The following FANCC variants were observed in gnomAD, a reference collection of about 807,000 sequenced individuals.
FANCC encodes the protein FA complementation group C, also known as Fanconi anemia group C protein.
A neutral mutation model predicts 71.3 loss-of-function variants in FANCC; 55 were observed. The observed-to-expected ratio is 0.77, with a 90% CI of 0.62 to 0.97. The LOEUF is 0.97. Among genes scored for constraint, FANCC ranks in the 50% least tolerant of loss-of-function variants. The probability of loss-of-function intolerance (pLI) is 0.00; values close to 1 mark genes in which losing one functional copy is unlikely to be tolerated. For synonymous variants in FANCC, 275 were observed against 244.9 expected (o/e 1.12, Z -1.15); for missense variants, 678 against 670.9 (o/e 1.01, Z -0.12).
In FANCC at chr9:95,255,807, G is replaced by T. The variant is rs1055596242; in HGVS notation, c.-78-6438C>A. On this transcript the variant is annotated intron_variant, in intron 1 of 14. Coordinates refer to ENST00000289081, the MANE Select transcript of FANCC (RefSeq NM_000136.3). Reference sequence around the variant, plus strand: ...AAGGAAGCTAAGAATCTTGAAAAAAGGTTAGAGGAACTGCTAACTAGAATA... The same window carrying T: ...AAGGAAGCTAAGAATCTTGAAAAAATGTTAGAGGAACTGCTAACTAGAATA... 3.3e-5 allele frequency among the ~76,000 whole-genome samples: 5 copies of T among 152,028 alleles called. No homozygotes were observed. The South Asian group carries it at 1.0e-3, about 32-fold the overall frequency.
chr9:95,137,055 C>G (rs1827804573), intron 7 of FANCC, among the ~76,000 whole-genome samples: 1 of 152,056 alleles, frequency 6.6e-6, no homozygotes, highest in South Asian at 2.1e-4. Flanking sequence ...CTGTCTTGCC[C>G]CAAGAAAAAC....
intron 1 of FANCC, among the ~76,000 whole-genome samples, chr9:95,269,307 T>A (rs1832586086): frequency 6.6e-6 from 1 of 152,188 alleles, no homozygotes; most frequent in Non-Finnish European, 1.5e-5. Flanking sequence ...GTAAAGTCAG[T>A]CATTCGGTCA....
chr9:95,245,671 T>G (rs907439246), intron 3 of FANCC, among the ~76,000 whole-genome samples: 7 of 151,210 alleles, frequency 4.6e-5, no homozygotes, highest in Non-Finnish European at 8.9e-5. Flanking sequence ...TCGAGGCGGG[T>G]GAATCGCCTG....
chr9:95,272,723 A>C (rs776915736), intron 1 of FANCC, among the ~76,000 whole-genome samples: 5 of 152,166 alleles, frequency 3.3e-5, no homozygotes, highest in Non-Finnish European at 5.9e-5. Flanking sequence ...ACAACAACAA[A>C]AAAATTAACA....
chr9:95,170,938 G>A (rs1825637032), intron 6 of FANCC, 141 bp downstream of exon 6: 1 of 703,824 alleles, frequency 1.4e-6, no homozygotes, highest in East Asian at 2.7e-5. Context: ...AATTTGCTAT[G>A]TATTCCACTA....
chr9:95,228,938 G>T (rs1446320259), intron 4 of FANCC, among the ~76,000 whole-genome samples: 1 of 152,136 alleles, frequency 6.6e-6, no homozygotes, highest in African/African-American at 2.4e-5. Context: ...AGCCAAGCAT[G>T]GACTTTGCAT....
At chr9:95,131,342 C>T (rs1826884891) in intron 8 of FANCC, among the ~76,000 whole-genome samples, 1 of 152,226 alleles carries the variant, frequency 6.6e-6, no homozygotes, top group Non-Finnish European at 1.5e-5. Context: ...GCTCCTCAGC[C>T]CCCTGCTGCT....
rs181753471 is a variant in FANCC at position 95,255,395 on chromosome 9, C to T, written c.-78-6026G>A. ...AATATCTGCTGTTCTGAAACCTCCACTGGTGATACCCAGGCAAACAGCGTC... is the reference window on the plus strand; with the variant it reads ...AATATCTGCTGTTCTGAAACCTCCATTGGTGATACCCAGGCAAACAGCGTC... On this transcript the variant is annotated intron_variant, in intron 1 of 14. Transcript: ENST00000289081. Among the ~76,000 whole-genome samples the T allele has an allele frequency of 6.6e-5, 10 of 152,286 alleles. 1 individual carries two copies. The highest frequency in any genetic ancestry group is 2.2e-4 in the African/African-American group (9 of 41,564).
At chr9:95,133,057 G>C (rs1432808936) in intron 8 of FANCC, among the ~76,000 whole-genome samples, 1 of 152,230 alleles carries the variant, frequency 6.6e-6, no homozygotes, top group Non-Finnish European at 1.5e-5. Context: ...CTGAGTCTTA[G>C]AGATCTCTCT....
intron 10 of FANCC, among the ~76,000 whole-genome samples, chr9:95,122,884 G>A (rs73528487): frequency 0.023 from 3,523 of 152,274 alleles, 146 homozygotes; most frequent in African/African-American, 0.079. Flanking sequence ...ATAACCGTGA[G>A]GGCCAGCTGT....
At chr9:95,263,073 G>C (rs560882252) in intron 1 of FANCC, among the ~76,000 whole-genome samples, 1 of 152,318 alleles carries the variant, frequency 6.6e-6, no homozygotes, top group East Asian at 1.9e-4. Flanking sequence ...ACATGTAAAA[G>C]TGGTTAAGAT....
Position 95,135,341 on chromosome 9 carries a change from C to T in FANCC, c.843+5G>A, listed in dbSNP as rs369082921. 6.9e-5 allele frequency: 111 copies of T among 1,613,576 alleles called. No homozygotes were observed. The highest frequency in any genetic ancestry group is 8.5e-5 in the Non-Finnish European group (100 of 1,179,664). ...TTTTTCCCTTCATCAAAACCCAGTA[C>T]GTACCAGCGATGAATCTTTTATAAA... On this transcript the variant is annotated splice_donor_5th_base_variant and intron_variant, in intron 8 of 14. Coordinates refer to ENST00000289081, the MANE Select transcript of FANCC (RefSeq NM_000136.3).
intron 4 of FANCC, among the ~76,000 whole-genome samples, chr9:95,192,463 G>A (rs1045215364): frequency 6.6e-6 from 1 of 152,102 alleles, no homozygotes; most frequent in Non-Finnish European, 1.5e-5. Flanking sequence ...CTTTTTAAAT[G>A]TTTCTTAACA....
At chr9:95,102,553 C>T (rs773606373) in intron 14 of FANCC, among the ~76,000 whole-genome samples, 2 of 152,172 alleles carry the variant, frequency 1.3e-5, no homozygotes, top group Non-Finnish European at 2.9e-5. Flanking sequence ...AAAGAGTAAC[C>T]GATATATTCA....
At chr9:95,306,958 C>T (rs1416723364) in intron 1 of FANCC, among the ~76,000 whole-genome samples, 1 of 152,180 alleles carries the variant, frequency 6.6e-6, no homozygotes, top group Non-Finnish European at 1.5e-5. Context: ...ACTGCACCCT[C>T]AACCTCCCAG....
chr9:95,234,846 G>A (rs1311636188), intron 4 of FANCC, among the ~76,000 whole-genome samples: 1 of 152,216 alleles, frequency 6.6e-6, no homozygotes, highest in Non-Finnish European at 1.5e-5. Flanking sequence ...TTCAGTCTGA[G>A]TGTGAAAGCA....
chr9:95,280,325 C>T (rs1833307459), intron 1 of FANCC, among the ~76,000 whole-genome samples: 1 of 152,050 alleles, frequency 6.6e-6, no homozygotes, highest in Non-Finnish European at 1.5e-5. Flanking sequence ...GAATATTAAT[C>T]GCTGGAGACT....
At chr9:95,199,073 A>C (rs1049003580) in intron 4 of FANCC, among the ~76,000 whole-genome samples, 4 of 152,042 alleles carry the variant, frequency 2.6e-5, no homozygotes, top group Non-Finnish European at 5.9e-5. Context: ...ATTTTTTTTG[A>C]AAGAGTATTT....
At chr9:95,310,517 C>T (rs1405583036) in intron 1 of FANCC, among the ~76,000 whole-genome samples, 1 of 152,196 alleles carries the variant, frequency 6.6e-6, no homozygotes, top group Non-Finnish European at 1.5e-5. Flanking sequence ...CACATCACAT[C>T]CATACCACCC....
Sources: gnomAD v4.1 joint callset for allele counts (sites outside exome capture counted in the v4.1 genomes callset) on GRCh38, gnomAD v4.1.1 for gene constraint, MANE v1.5 for transcripts, NCBI Gene and HGNC (gene_info 2026-07-23, HGNC 2026-07-21) for gene names.